MCTP1: variants seen among roughly 807,000 people sequenced by gnomAD.
The protein encoded by MCTP1 is multiple C2 and transmembrane domain-containing protein 1.
In MCTP1, 69 loss-of-function variants were observed where a neutral mutation model predicts 120.6. The observed-to-expected ratio is 0.57, with a 90% confidence interval of 0.47 to 0.70. The LOEUF is 0.70. MCTP1 is among the 30% of genes least tolerant of loss of function. MCTP1 has a pLI of 0.00. For missense variants in MCTP1, 1,203 were observed against 1,248.8 expected, an observed-to-expected ratio of 0.96 and a Z score of 0.55; for synonymous variants, 529 against 493.1, an observed-to-expected ratio of 1.07 and a Z score of -0.96.
intron 3 of MCTP1, among the ~76,000 whole-genome samples, chr5:94,949,636 T>A (rs1207850231): frequency 6.6e-6 from 1 of 152,166 alleles, no homozygotes; most frequent in Non-Finnish European, 1.5e-5. Context: ...GGCTCAGAAC[T>A]GAATTTTTTT....
chr5:95,109,686 T>G (rs990580882), intron 1 of MCTP1, among the ~76,000 whole-genome samples: 1 of 152,146 alleles, frequency 6.6e-6, no homozygotes, highest in African/African-American at 2.4e-5. Context: ...TCTATTGACT[T>G]TCATGAGGGA....
chr5:95,067,529 A>C (rs1409628683), intron 1 of MCTP1, among the ~76,000 whole-genome samples: 1 of 152,148 alleles, frequency 6.6e-6, no homozygotes, highest in Non-Finnish European at 1.5e-5. Flanking sequence ...CTAATATATT[A>C]AAAGAATAAA....
intron 2 of MCTP1, among the ~76,000 whole-genome samples, chr5:94,989,157 C>G (rs1030500412): frequency 6.6e-6 from 1 of 152,180 alleles, no homozygotes; most frequent in Non-Finnish European, 1.5e-5. Flanking sequence ...TCTCTAACTT[C>G]TGGCCTCAAG....
At chr5:94,716,393 TAAAA>T (rs75209507) in intron 19 of MCTP1, among the ~76,000 whole-genome samples, 10 of 135,460 alleles carry the variant, frequency 7.4e-5, no homozygotes, top group African/African-American at 2.5e-4. Context: ...CACTCTCCAG[TAAAA>T]AAAAAAAAAA....
chr5:94,909,425 A>T lies in MCTP1; in HGVS notation c.1522-44T>A, dbSNP rs193258831. 2.7e-3 allele frequency: 4,247 copies of T among 1,559,454 alleles called. 8 individuals are homozygous for T. Among genetic ancestry groups the T allele is most frequent in the Admixed American group, 5.0e-3 (230 of 45,876 alleles). ...ATTGTCATATTGCTAGCAGCTTTTTAAAAAAAACTTCAACCTGAGACACTA... is the reference window on the plus strand; with the variant it reads ...ATTGTCATATTGCTAGCAGCTTTTTTAAAAAAACTTCAACCTGAGACACTA... On this transcript the variant is annotated intron_variant, in intron 9 of 22. Transcript: ENST00000515393.
At chr5:94,964,658 C>T (rs368656953) in intron 2 of MCTP1, among the ~76,000 whole-genome samples, 3 of 152,092 alleles carry the variant, frequency 2.0e-5, no homozygotes, top group South Asian at 2.1e-4. Context: ...AGTACAGATA[C>T]GCTTGCTCTC....
At chr5:95,034,395 A>G (rs1186705178) in intron 1 of MCTP1, among the ~76,000 whole-genome samples, 2 of 152,106 alleles carry the variant, frequency 1.3e-5, no homozygotes, top group Non-Finnish European at 2.9e-5. Context: ...AATGGAACAG[A>G]ATAGAGAACC....
At chr5:94,800,908 T>C (rs1353922309) in intron 17 of MCTP1, among the ~76,000 whole-genome samples, 1 of 152,086 alleles carries the variant, frequency 6.6e-6, no homozygotes, top group Non-Finnish European at 1.5e-5. Context: ...TTTTATTTTA[T>C]GAGAAAAGTA....
chr5:95,074,072 T>C (rs1036374755), intron 1 of MCTP1, among the ~76,000 whole-genome samples: 1 of 152,020 alleles, frequency 6.6e-6, no homozygotes, highest in African/African-American at 2.4e-5. Context: ...GCAGAGATGG[T>C]GCCACTGCAC....
At chr5:94,909,794 GT>G (rs949602296) in intron 9 of MCTP1, among the ~76,000 whole-genome samples, 1 of 151,988 alleles carries the variant, frequency 6.6e-6, no homozygotes, top group African/African-American at 2.4e-5. Flanking sequence ...TTCAGAGTTT[GT>G]TTTTTTCTTA....
chr5:95,017,558 T>C, intron 1 of MCTP1, 74 bp from the exon 2 acceptor site: 3 of 784,294 alleles, frequency 3.8e-6, no homozygotes, highest in Non-Finnish European at 5.8e-6. Flanking sequence ...GGACCATATA[T>C]AGCTTAACCC....
chr5:95,123,980 G>T (rs1459881002), intron 1 of MCTP1, among the ~76,000 whole-genome samples: 1 of 152,130 alleles, frequency 6.6e-6, no homozygotes, highest in African/African-American at 2.4e-5. Context: ...ATAAGCCCAT[G>T]TATCAATGTA....
intron 18 of MCTP1, among the ~76,000 whole-genome samples, chr5:94,786,419 C>CT (rs1439935717): frequency 2.0e-5 from 3 of 152,052 alleles, no homozygotes; most frequent in South Asian, 2.1e-4. Flanking sequence ...TATTTTTTAT[C>CT]TTTTTTATAT....
chr5:95,096,718 C>T (rs573097046), intron 1 of MCTP1, among the ~76,000 whole-genome samples: 165 of 152,154 alleles, frequency 1.1e-3, no homozygotes, highest in African/African-American at 3.7e-3. Context: ...CTGAACCTTA[C>T]GAACAAAAAC....
rs1803484031 is a variant in MCTP1 at position 94,894,693 on chromosome 5, A to T, written c.1795T>A (p.Ser599Thr). 1.2e-6 allele frequency: 2 copies of T among 1,612,694 alleles called. No individual in the cohort carries two copies. Among genetic ancestry groups the T allele is most frequent in the Non-Finnish European group, 1.7e-6 (2 of 1,178,888 alleles). ...TCTCGTTCCTTCTGGTCCTCCAGGGAGTTGACAGACAGGTCAGAGATGCTG... is the reference window on the plus strand; with the variant it reads ...TCTCGTTCCTTCTGGTCCTCCAGGGTGTTGACAGACAGGTCAGAGATGCTG... ...TVSISDLSVN[S>T]LEDQKEREEI... The change falls in exon 11 of 23, where the codon TCC becomes ACC. Residue 599 changes from serine (S) to threonine (T), a missense_variant. This residue lies in a region of MCTP1 where 740 missense variants were observed against 871.1 expected (regional missense o/e 0.85). Coordinates refer to ENST00000515393, the MANE Select transcript of MCTP1 (RefSeq NM_024717.7).
At chr5:95,024,014 G>A (rs1838711744) in intron 1 of MCTP1, 1 of 419,920 alleles carries the variant, frequency 2.4e-6, no homozygotes, top group South Asian at 1.8e-5. Flanking sequence ...CTTGTTGGAT[G>A]TATGACTTGC....
At chr5:94,810,320 G>A (rs75744370) in intron 17 of MCTP1, among the ~76,000 whole-genome samples, 9 of 152,020 alleles carry the variant, frequency 5.9e-5, no homozygotes, top group Non-Finnish European at 1.5e-5. Flanking sequence ...GTATATAAAT[G>A]CTATATCTAG....
intron 1 of MCTP1, among the ~76,000 whole-genome samples, chr5:95,121,433 T>C (rs1220705536): frequency 6.6e-6 from 1 of 151,740 alleles, no homozygotes; most frequent in African/African-American, 2.4e-5. Context: ...TACCTAGGAA[T>C]TAACTTAAAG....
At chr5:95,220,223 G>T (rs761140205) in intron 1 of MCTP1, among the ~76,000 whole-genome samples, 3 of 152,016 alleles carry the variant, frequency 2.0e-5, no homozygotes, top group Non-Finnish European at 2.9e-5. Context: ...AGATTTTTTT[G>T]TGTGTGTTTA....
Sources: allele counts gnomAD v4.1 joint callset (sites outside exome capture counted in the v4.1 genomes callset), GRCh38; gene constraint gnomAD v4.1.1; regional missense constraint gnomAD v4.1.1; transcripts MANE v1.5; gene names NCBI Gene and HGNC (gene_info 2026-07-23, HGNC 2026-07-21).